CYRIB: variants seen among roughly 807,000 people sequenced by gnomAD.
CYRIB encodes the protein CYFIP-related Rac1 interactor B.
Under a neutral mutation model 44.2 loss-of-function variants are expected in CYRIB, and 8 were observed. The observed-to-expected ratio is 0.18, with a 90% CI of 0.11 to 0.33. CYRIB has a LOEUF of 0.33. Ranked by LOEUF, CYRIB falls within the 10% of genes least tolerant of loss-of-function variation. The pLI is 1.00. For missense variants in CYRIB, 185 were observed against 382.8 expected, an observed-to-expected ratio of 0.48 and a Z score of 4.31; for synonymous variants, 131 against 127.2, an observed-to-expected ratio of 1.03 and a Z score of -0.20.
At chr8:129,924,135 G>T (rs1276027097) in intron 1 of CYRIB, among the ~76,000 whole-genome samples, 3 of 150,280 alleles carry the variant, frequency 2.0e-5, no homozygotes, top group Non-Finnish European at 3.0e-5. Context: ...AAATTAGCCA[G>T]GTGTGGTTGT....
At chr8:130,005,829 A>C (rs1362274818) in intron 1 of CYRIB, among the ~76,000 whole-genome samples, 1 of 151,748 alleles carries the variant, frequency 6.6e-6, no homozygotes, top group African/African-American at 2.4e-5. Flanking sequence ...AAAAAAAAAA[A>C]ATGTAAAGGC....
chr8:129,873,155 T>C (rs1365630837), intron 3 of CYRIB, among the ~76,000 whole-genome samples: 1 of 152,036 alleles, frequency 6.6e-6, no homozygotes, highest in Non-Finnish European at 1.5e-5. Flanking sequence ...TGTGTTTACA[T>C]ATCTGTTCCC....
At chr8:129,967,026 G>A (rs2095502190) in intron 2 of CYRIB, among the ~76,000 whole-genome samples, 1 of 152,112 alleles carries the variant, frequency 6.6e-6, no homozygotes, top group South Asian at 2.1e-4. Context: ...TTATCCATGA[G>A]TGTTTTTTAA....
At chr8:129,845,836 G>A (rs1423756694) in intron 11 of CYRIB, among the ~76,000 whole-genome samples, 3 of 152,058 alleles carry the variant, frequency 2.0e-5, no homozygotes, top group Non-Finnish European at 4.4e-5. Flanking sequence ...ATAAAGTATC[G>A]AGATTTTCAT....
intron 1 of CYRIB, among the ~76,000 whole-genome samples, chr8:129,936,753 C>T (rs1276843016): frequency 4.9e-5 from 7 of 141,520 alleles, no homozygotes; most frequent in African/African-American, 1.9e-4. Context: ...GTCGCCCAGG[C>T]TGGAGTGCAG....
At chr8:129,959,286 G>A (rs572027437) in intron 2 of CYRIB, among the ~76,000 whole-genome samples, 136 of 150,570 alleles carry the variant, frequency 9.0e-4, no homozygotes, top group Admixed American at 2.6e-3. Context: ...CCCACTACTT[G>A]CTTCCTAGGT....
chr8:129,921,119 T>C (rs745649528), intron 1 of CYRIB, among the ~76,000 whole-genome samples: 7 of 152,234 alleles, frequency 4.6e-5, no homozygotes, highest in Non-Finnish European at 8.8e-5. Context: ...TTCTTCCTAA[T>C]GTACCTTTTA....
intron 2 of CYRIB, among the ~76,000 whole-genome samples, chr8:129,885,933 C>A (rs1014557488): frequency 6.6e-6 from 1 of 152,180 alleles, no homozygotes; most frequent in Non-Finnish European, 1.5e-5. Flanking sequence ...CTTTCACACA[C>A]AAAACACATA....
upstream of CYRIB, among the ~76,000 whole-genome samples, chr8:129,940,688 C>T (rs895308407): frequency 6.6e-6 from 1 of 151,948 alleles, no homozygotes; most frequent in Non-Finnish European, 1.5e-5. Context: ...TTTTTATTAA[C>T]ATTAAAGGGG....
intron 2 of CYRIB, among the ~76,000 whole-genome samples, chr8:129,947,545 T>A (rs546017198): frequency 6.6e-6 from 1 of 152,134 alleles, no homozygotes; most frequent in East Asian, 1.9e-4. Flanking sequence ...ATATGTTGAA[T>A]GAATGGATAA....
At chr8:129,905,634 C>T (rs559278107) in intron 1 of CYRIB, among the ~76,000 whole-genome samples, 8 of 152,044 alleles carry the variant, frequency 5.3e-5, no homozygotes, top group South Asian at 2.1e-4. Flanking sequence ...CTTTTTCTGC[C>T]GAAGATAAAA....
chr8:129,869,914 C>A (rs568646865), intron 4 of CYRIB, among the ~76,000 whole-genome samples: 1 of 151,442 alleles, frequency 6.6e-6, no homozygotes, highest in East Asian at 1.9e-4. Context: ...AGGAATGGTT[C>A]CCACAAAAGA....
intron 1 of CYRIB, among the ~76,000 whole-genome samples, chr8:129,930,621 A>C (rs2090867882): frequency 6.6e-6 from 1 of 151,956 alleles, no homozygotes; most frequent in African/African-American, 2.4e-5. Context: ...CGCACATACC[A>C]TAATGGAACT....
intron 4 of CYRIB, among the ~76,000 whole-genome samples, chr8:129,863,060 CT>C (rs1335663505): frequency 6.6e-6 from 1 of 152,046 alleles, no homozygotes; most frequent in Non-Finnish European, 1.5e-5. Context: ...CTTAGTATTT[CT>C]TTGTCAAAGA....
intron 8 of CYRIB, chr8:129,851,415 G>A: frequency 6.4e-6 from 1 of 155,300 alleles, no homozygotes; most frequent in South Asian, 2.0e-4. Context: ...TGGCAAGAAA[G>A]CAACTTAAGT....
At chr8:129,958,925 T>C (rs1011976035) in intron 2 of CYRIB, among the ~76,000 whole-genome samples, 2 of 151,124 alleles carry the variant, frequency 1.3e-5, no homozygotes, top group African/African-American at 2.4e-5. Flanking sequence ...ATTAGCCGGC[T>C]GTGATGGCGG....
At chr8:129,977,698 A>AT (rs1195101680) in intron 1 of CYRIB, among the ~76,000 whole-genome samples, 1 of 151,746 alleles carries the variant, frequency 6.6e-6, no homozygotes, top group Admixed American at 6.6e-5. Flanking sequence ...CGCCCGGCTA[A>AT]TTTTTTTGTA....
intron 1 of CYRIB, among the ~76,000 whole-genome samples, chr8:129,929,211 AAAG>A (rs1377879080): frequency 6.6e-6 from 1 of 152,208 alleles, no homozygotes; most frequent in African/African-American, 2.4e-5. Context: ...AATGTCCAGG[AAAG>A]AATAATCAAG....
chr8:129,855,418 A>T (rs1042175643), intron 6 of CYRIB, among the ~76,000 whole-genome samples, 193 bp downstream of exon 8: 29 of 151,994 alleles, frequency 1.9e-4, no homozygotes, highest in Non-Finnish European at 3.7e-4. Context: ...ATTGAGACCG[A>T]ATACTCAGTA....
Sources: allele counts gnomAD v4.1 joint callset (sites outside exome capture counted in the v4.1 genomes callset), GRCh38; gene constraint gnomAD v4.1.1; transcripts MANE v1.5; gene names NCBI Gene and HGNC (gene_info 2026-07-23, HGNC 2026-07-21).